Variants in MYMX observed in about 807,000 individuals in gnomAD.
MYMX encodes the protein myomixer, myoblast fusion factor.
the MYMX span, among the ~76,000 whole-genome samples, chr6:44,207,582 G>T: frequency 0.019 from 2,916 of 152,016 alleles, 45 homozygotes; most frequent in South Asian, 0.069. Context: ...GCCCAGGCTG[G>T]AGTGCAATGG....
chr6:44,194,331 G>C, the MYMX span, among the ~76,000 whole-genome samples: 2 of 152,174 alleles, frequency 1.3e-5, no homozygotes, highest in Non-Finnish European at 2.9e-5. Flanking sequence ...TGGGGCAAGG[G>C]GGGAAGAAAA....
the MYMX span, among the ~76,000 whole-genome samples, chr6:44,210,648 C>A: frequency 6.6e-6 from 1 of 152,160 alleles, no homozygotes; most frequent in Non-Finnish European, 1.5e-5. Context: ...CGGTAACTTA[C>A]TCTCTTTAAG....
At chr6:44,212,060 A>G (rs1775616506), upstream of MYMX, among the ~76,000 whole-genome samples, 1 of 152,060 alleles carries the variant, frequency 6.6e-6, no homozygotes, top group African/African-American at 2.4e-5. Context: ...ATAGGCATGT[A>G]GCACTATGCC....
chr6:44,203,145 G>A, the MYMX span, among the ~76,000 whole-genome samples: 2 of 152,152 alleles, frequency 1.3e-5, no homozygotes, highest in Non-Finnish European at 2.9e-5. Context: ...AGCCATCAGG[G>A]CCTGCCGTTC....
chr6:44,215,142 C>T (rs1775792117), upstream of MYMX, among the ~76,000 whole-genome samples: 3 of 152,116 alleles, frequency 2.0e-5, no homozygotes, highest in Non-Finnish European at 4.4e-5. Flanking sequence ...ATGCTAGTGG[C>T]GGCTGGTGGG....
chr6:44,212,860 C>CG (rs1775666459), upstream of MYMX, among the ~76,000 whole-genome samples: 1 of 84,022 alleles, frequency 1.2e-5, no homozygotes. Context: ...CTTGTCTCTC[C>CG]AAAAAAAAAA....
the MYMX span, among the ~76,000 whole-genome samples, chr6:44,208,095 G>GC: frequency 6.6e-6 from 1 of 152,064 alleles, no homozygotes; most frequent in Non-Finnish European, 1.5e-5. Flanking sequence ...AGGCATGGTG[G>GC]CGTATGCCTG....
the MYMX span, among the ~76,000 whole-genome samples, chr6:44,206,120 G>GGTAA: frequency 6.6e-6 from 1 of 151,828 alleles, no homozygotes; most frequent in African/African-American, 2.4e-5. Context: ...CAGGATTCCA[G>GGTAA]GTAAGATTCT....
In MYMX at chr6:44,217,751, T is replaced by C. The variant is rs1338603698; in HGVS notation, c.*25T>C. On this transcript the variant is annotated 3_prime_UTR_variant, in exon 2 of 2. Coordinates refer to ENST00000573382, the MANE Select transcript of MYMX (RefSeq NM_001315494.2). ...AGGCCACAAGTCCTGGCAGCAGCTGTATCCACAAAATGCTTTCTTTTGGAG... is the reference window on the plus strand; with the variant it reads ...AGGCCACAAGTCCTGGCAGCAGCTGCATCCACAAAATGCTTTCTTTTGGAG... 4 of 400,908 alleles carry C rather than the reference T, an allele frequency of 1.0e-5. No homozygotes were observed. The highest frequency in any genetic ancestry group is 1.8e-5 in the Non-Finnish European group (4 of 226,438). 24.8% of individuals were successfully genotyped at this position (400,908 alleles called of 1,614,324 possible).
the MYMX span, among the ~76,000 whole-genome samples, chr6:44,201,306 C>T: frequency 6.6e-6 from 1 of 152,296 alleles, no homozygotes; most frequent in East Asian, 1.9e-4. Flanking sequence ...GAACTCCGCC[C>T]ATTCCCCACC....
At chr6:44,198,223 T>C in the MYMX span, among the ~76,000 whole-genome samples, 118,028 of 140,272 alleles carry the variant, frequency 0.84, 49,901 homozygotes, top group African/African-American at 0.95. Flanking sequence ...AGTGCAGTGG[T>C]GCGATCTCGG....
upstream of MYMX, among the ~76,000 whole-genome samples, chr6:44,215,040 C>T (rs2128330972): frequency 6.6e-6 from 1 of 152,342 alleles, no homozygotes; most frequent in South Asian, 2.1e-4. Flanking sequence ...TCTAGCTCCT[C>T]TCTTCTGCTT....
At chr6:44,209,258 C>G in the MYMX span, among the ~76,000 whole-genome samples, 1 of 151,966 alleles carries the variant, frequency 6.6e-6, no homozygotes, top group Non-Finnish European at 1.5e-5. Context: ...GCCACCGTAC[C>G]TGGCTTCGTG....
chr6:44,211,788 T>TGTGTGTGTGTG, the MYMX span, among the ~76,000 whole-genome samples: 1 of 126,382 alleles, frequency 7.9e-6, no homozygotes, highest in African/African-American at 3.1e-5. Flanking sequence ...CAGCTAGGTT[T>TGTGTGTGTGTG]TGTGTGTGTG....
upstream of MYMX, chr6:44,216,911 C>T (rs72860861): frequency 0.065 from 9,873 of 152,610 alleles, 366 homozygotes; most frequent in Middle Eastern, 0.099. Context: ...TCCAGTGGGG[C>T]TATCTCCACT....
chr6:44,211,823 T>TGTGTGTGTGTGTGTGTGTG, the MYMX span, among the ~76,000 whole-genome samples: 68 of 150,638 alleles, frequency 4.5e-4, no homozygotes, highest in African/African-American at 7.8e-4. Flanking sequence ...TGTGTGTGTG[T>TGTGTGTGTGTGTGTGTGTG]TTAGTAGAGA....
chr6:44,202,427 T>TA, the MYMX span, among the ~76,000 whole-genome samples: 182 of 150,816 alleles, frequency 1.2e-3, 1 homozygote, highest in South Asian at 0.023. Context: ...ATCCAGATAC[T>TA]ATTTTTTTTT....
At chr6:44,217,058 TG>T (rs3831222) in intron 1 of MYMX, 90 bp downstream of exon 1, 71,287 of 167,096 alleles carry the variant, frequency 0.43, 15,569 homozygotes, top group Middle Eastern at 0.57. Flanking sequence ...AAAGAAAAAT[TG>T]AGAATTGCCT....
chr6:44,210,129 T>G, the MYMX span: 1 of 151,188 alleles, frequency 6.6e-6, no homozygotes, highest in Admixed American at 6.6e-5. Context: ...GTATTTTTAG[T>G]AGAGACGGGG....
Sources: gnomAD v4.1 joint callset for allele counts (sites outside exome capture counted in the v4.1 genomes callset) on GRCh38, gnomAD v4.1.1 for gene constraint, MANE v1.5 for transcripts, NCBI Gene and HGNC (gene_info 2026-07-23, HGNC 2026-07-21) for gene names.